Variants in DIAPH3 observed in about 807,000 individuals in gnomAD.
DIAPH3 encodes the protein protein diaphanous homolog 3.
A neutral mutation model predicts 144.3 loss-of-function variants in DIAPH3; 117 were observed. That is an observed-to-expected ratio of 0.81 (90% CI 0.70 to 0.95). The LOEUF (loss-of-function observed/expected upper bound fraction) is 0.95, where lower values mean the gene tolerates loss of function less well. Among genes scored for constraint, DIAPH3 ranks in the 40% least tolerant of loss-of-function variants. The pLI is 0.00. For missense variants in DIAPH3, 1,421 were observed against 1,412.7 expected (o/e 1.01, Z -0.09); for synonymous variants, 519 against 488.9 (o/e 1.06, Z -0.81).
chr13:59,835,372 A>G (rs1261854844), intron 23 of DIAPH3, among the ~76,000 whole-genome samples: 1 of 151,708 alleles, frequency 6.6e-6, no homozygotes, highest in Non-Finnish European at 1.5e-5. Flanking sequence ...GTAGAAAAAA[A>G]ATATGATATT....
chr13:59,973,064 T>C (rs546742160), intron 15 of DIAPH3, among the ~76,000 whole-genome samples: 46 of 152,220 alleles, frequency 3.0e-4, no homozygotes, highest in Non-Finnish European at 5.3e-4. Flanking sequence ...CTAGGTTTTC[T>C]TCTCATAGCC....
At chr13:59,774,032 C>A in intron 27 of DIAPH3, 157 bp downstream of exon 27, 1 of 684,784 alleles carries the variant, frequency 1.5e-6, no homozygotes, top group Non-Finnish European at 2.5e-6. Flanking sequence ...ATGAAAAATA[C>A]GAGTACGCAA....
chr13:59,778,599 C>T (rs1371709006), intron 25 of DIAPH3, among the ~76,000 whole-genome samples: 3 of 152,242 alleles, frequency 2.0e-5, no homozygotes, highest in Non-Finnish European at 4.4e-5. Flanking sequence ...CTAAACAACA[C>T]AGCTTTCTTT....
intron 5 of DIAPH3, among the ~76,000 whole-genome samples, chr13:60,030,678 G>A (rs1383173331): frequency 6.6e-6 from 1 of 152,138 alleles, no homozygotes; most frequent in Non-Finnish European, 1.5e-5. Flanking sequence ...ATAGACTCAA[G>A]AGTACAAAGG....
intron 4 of DIAPH3, among the ~76,000 whole-genome samples, chr13:60,092,826 A>T (rs564008383): frequency 3.3e-5 from 5 of 152,366 alleles, no homozygotes; most frequent in African/African-American, 1.2e-4. Context: ...GTGGAGTTAA[A>T]GTATAAATAA....
At chr13:60,133,586 C>A (rs924569890) in intron 1 of DIAPH3, among the ~76,000 whole-genome samples, 2 of 152,174 alleles carry the variant, frequency 1.3e-5, no homozygotes, top group East Asian at 3.9e-4. Flanking sequence ...TGACAGTAGA[C>A]ACTTTTCAAT....
intron 27 of DIAPH3, among the ~76,000 whole-genome samples, chr13:59,704,047 T>C (rs1026236241): frequency 6.6e-6 from 1 of 152,226 alleles, no homozygotes; most frequent in African/African-American, 2.4e-5. Context: ...CTCCAGGGTT[T>C]TCGACTGATT....
intron 3 of DIAPH3, among the ~76,000 whole-genome samples, chr13:60,103,827 C>T (rs974093821): frequency 3.3e-5 from 5 of 152,180 alleles, no homozygotes; most frequent in East Asian, 1.9e-4. Flanking sequence ...CATATAAGCA[C>T]AATTTTATCC....
chr13:59,765,359 C>A (rs1455915862), intron 27 of DIAPH3, among the ~76,000 whole-genome samples: 1 of 152,090 alleles, frequency 6.6e-6, no homozygotes, highest in Non-Finnish European at 1.5e-5. Context: ...AAAGTGCCAG[C>A]GTATTTTGAA....
intron 4 of DIAPH3, among the ~76,000 whole-genome samples, chr13:60,069,996 T>G (rs1208447405): frequency 6.6e-6 from 1 of 152,188 alleles, no homozygotes; most frequent in Non-Finnish European, 1.5e-5. Flanking sequence ...GAATACATTT[T>G]TTTTTCTAAT....
intron 27 of DIAPH3, among the ~76,000 whole-genome samples, chr13:59,723,023 A>G (rs2035419356): frequency 6.6e-6 from 1 of 152,172 alleles, no homozygotes; most frequent in African/African-American, 2.4e-5. Context: ...TGGATTTCCT[A>G]TTTGGTAGTG....
At chr13:60,156,527 C>A (rs1348055809) in intron 1 of DIAPH3, among the ~76,000 whole-genome samples, 1 of 152,030 alleles carries the variant, frequency 6.6e-6, no homozygotes, top group Non-Finnish European at 1.5e-5. Context: ...AGATGAAAGT[C>A]TGAGACAAAG....
chr13:59,687,471 T>G (rs1311239126), intron 27 of DIAPH3, among the ~76,000 whole-genome samples: 1 of 152,070 alleles, frequency 6.6e-6, no homozygotes, highest in Non-Finnish European at 1.5e-5. Flanking sequence ...ACACACCCAT[T>G]TTTAGATCTA....
chr13:59,748,985 G>GCC (rs1202015426), intron 27 of DIAPH3, among the ~76,000 whole-genome samples: 5 of 151,782 alleles, frequency 3.3e-5, no homozygotes, highest in African/African-American at 1.2e-4. Flanking sequence ...AGGCCGAGGT[G>GCC]TGTGGATTAC....
intron 4 of DIAPH3, among the ~76,000 whole-genome samples, chr13:60,046,544 C>T (rs959493817): frequency 6.6e-6 from 1 of 152,096 alleles, no homozygotes; most frequent in Non-Finnish European, 1.5e-5. Flanking sequence ...ATAGTTCAAC[C>T]ATTGTGGAAG....
chr13:59,709,481 A>C (rs1256334667), intron 27 of DIAPH3, among the ~76,000 whole-genome samples: 1 of 152,230 alleles, frequency 6.6e-6, no homozygotes, highest in Non-Finnish European at 1.5e-5. Flanking sequence ...GCAGCCAAAA[A>C]ACACATGAAA....
intron 22 of DIAPH3, among the ~76,000 whole-genome samples, chr13:59,844,547 T>G (rs918872011): frequency 6.6e-6 from 1 of 150,526 alleles, no homozygotes; most frequent in Non-Finnish European, 1.5e-5. Context: ...AAAAACTATA[T>G]CAGGGAGTAT....
At chr13:59,863,768 T>A (rs1171065862) in intron 21 of DIAPH3, among the ~76,000 whole-genome samples, 1 of 152,108 alleles carries the variant, frequency 6.6e-6, no homozygotes, top group Non-Finnish European at 1.5e-5. Context: ...AATACAGATT[T>A]CACAACATAG....
chr13:60,095,900 C>G (rs964681092), intron 3 of DIAPH3, among the ~76,000 whole-genome samples: 1 of 152,094 alleles, frequency 6.6e-6, no homozygotes, highest in Non-Finnish European at 1.5e-5. Context: ...TCTGTGGTAT[C>G]TGAATCCCCA....
Sources: allele counts gnomAD v4.1 joint callset (sites outside exome capture counted in the v4.1 genomes callset), GRCh38; gene constraint gnomAD v4.1.1; transcripts MANE v1.5; gene names NCBI Gene and HGNC (gene_info 2026-07-23, HGNC 2026-07-21).